Variants in TMED10 observed in about 807,000 individuals in gnomAD.
TMED10 encodes transmembrane emp24 domain-containing protein 10.
TMED10 carries 7 observed loss-of-function variants against 23.1 expected under a neutral mutation model. The ratio of observed to expected loss-of-function variants is 0.30; its 90% CI spans 0.17 to 0.57. The LOEUF (loss-of-function observed/expected upper bound fraction) is 0.57, where lower values mean the gene tolerates loss of function less well. Among genes scored for constraint, TMED10 ranks in the 20% least tolerant of loss-of-function variants. The probability of loss-of-function intolerance (pLI) is 0.91; values close to 1 mark genes in which losing one functional copy is unlikely to be tolerated. For missense variants in TMED10, 162 were observed against 274.8 expected, an observed-to-expected ratio of 0.59 and a Z score of 2.90; for synonymous variants, 113 against 106.9, an observed-to-expected ratio of 1.06 and a Z score of -0.35.
At chr14:75,157,848 G>A (rs1206984994) in intron 1 of TMED10, among the ~76,000 whole-genome samples, 1 of 152,026 alleles carries the variant, frequency 6.6e-6, no homozygotes, top group Non-Finnish European at 1.5e-5. Context: ...GCCGAGGCAG[G>A]AGAATTGCTT....
chr14:75,140,455 C>T (rs1429096846), intron 3 of TMED10, among the ~76,000 whole-genome samples: 1 of 151,904 alleles, frequency 6.6e-6, no homozygotes, highest in Non-Finnish European at 1.5e-5. Context: ...CGCCTGTAAT[C>T]TCAGCACTTT....
chr14:75,162,427 G>T (rs1255462126), intron 1 of TMED10, among the ~76,000 whole-genome samples: 1 of 150,180 alleles, frequency 6.7e-6, no homozygotes, highest in African/African-American at 2.5e-5. Flanking sequence ...AAACATCCAT[G>T]AATCTACACT....
chr14:75,164,784 T>C (rs776482905), intron 1 of TMED10, among the ~76,000 whole-genome samples: 7 of 147,818 alleles, frequency 4.7e-5, no homozygotes, highest in Middle Eastern at 3.2e-3. Context: ...AATTGTGCTA[T>C]GTTCACTAAA....
At chr14:75,138,280 C>T (rs1327416400) in intron 3 of TMED10, among the ~76,000 whole-genome samples, 5 of 152,168 alleles carry the variant, frequency 3.3e-5, no homozygotes, top group African/African-American at 1.2e-4. Context: ...TATTTAAGGT[C>T]CATAAAAATA....
intron 3 of TMED10, among the ~76,000 whole-genome samples, chr14:75,141,892 AATC>A (rs1895826670): frequency 6.6e-6 from 1 of 152,212 alleles, no homozygotes; most frequent in African/African-American, 2.4e-5. Flanking sequence ...TTTTAAAACA[AATC>A]ATGGTAAGTA....
chr14:75,176,294 A>C (rs1423115299), intron 1 of TMED10, 61 bp downstream of exon 1: 6 of 1,596,596 alleles, frequency 3.8e-6, no homozygotes, highest in Admixed American at 3.4e-5. Context: ...CCCGAACCCG[A>C]GCCTCCCCTC....
At chr14:75,151,498 C>A (rs1188634599) in intron 2 of TMED10, among the ~76,000 whole-genome samples, 4 of 152,216 alleles carry the variant, frequency 2.6e-5, no homozygotes, top group Admixed American at 6.5e-5. Flanking sequence ...GGATTACAGG[C>A]ATGAGCCACC....
chr14:75,149,131 G>C (rs879763716), intron 2 of TMED10, among the ~76,000 whole-genome samples: 2 of 152,078 alleles, frequency 1.3e-5, no homozygotes, highest in Middle Eastern at 3.2e-3. Flanking sequence ...TGTCCAGGCT[G>C]ATCTGGAACT....
chr14:75,137,345 G>T (rs916038291), intron 3 of TMED10, among the ~76,000 whole-genome samples: 3 of 149,966 alleles, frequency 2.0e-5, no homozygotes, highest in African/African-American at 7.3e-5. Flanking sequence ...CATACCAGTT[G>T]CTCTTAAAGT....
At chr14:75,165,813 G>A (rs193207009) in intron 1 of TMED10, among the ~76,000 whole-genome samples, 1 of 152,156 alleles carries the variant, frequency 6.6e-6, no homozygotes, top group Non-Finnish European at 1.5e-5. Context: ...TATTGCTTAA[G>A]CTAAAATATG....
intron 1 of TMED10, among the ~76,000 whole-genome samples, chr14:75,164,532 AATATATATAT>A (rs368412262): frequency 7.4e-4 from 40 of 54,396 alleles, no homozygotes; most frequent in African/African-American, 2.2e-3. Flanking sequence ...CACCTGGCCT[AATATATATAT>A]ATATATATAT....
At chr14:75,137,288 G>A (rs1895761676) in intron 3 of TMED10, among the ~76,000 whole-genome samples, 1 of 150,850 alleles carries the variant, frequency 6.6e-6, no homozygotes, top group East Asian at 2.0e-4. Context: ...GAGATTACAG[G>A]CGTGATCCAC....
intron 3 of TMED10, among the ~76,000 whole-genome samples, chr14:75,146,434 C>T (rs1252799574): frequency 6.6e-6 from 1 of 152,318 alleles, no homozygotes; most frequent in African/African-American, 2.4e-5. Flanking sequence ...CCTTCATTTA[C>T]TTAGTTTGCA....
chr14:75,152,124 T>C lies in TMED10; in HGVS notation c.245A>G (p.His82Arg). 1 of 1,613,748 alleles carries C rather than the reference T, an allele frequency of 6.2e-7. No individual in the cohort carries two copies. Among genetic ancestry groups the C allele is most frequent in the Non-Finnish European group, 8.5e-7 (1 of 1,179,836 alleles). ...SHLKITDSAG[H>R]ILYSKEDATK... Reference sequence around the variant, plus strand: ...TGCATCCTCTTTGGAGTAGAGAATATGGCCAGCAGAATCTGTGATCTAAAA... The same window carrying C: ...TGCATCCTCTTTGGAGTAGAGAATACGGCCAGCAGAATCTGTGATCTAAAA... The change falls in exon 2 of 5, where the codon CAT becomes CGT. Residue 82 changes from histidine (H) to arginine (R), a missense_variant. By Grantham distance (29) the His-to-Arg change is conservative. Around this residue, in one of 2 missense-constraint regions of TMED10, gnomAD observed 126 missense variants for 239.5 expected, o/e 0.53. Coordinates refer to ENST00000303575, the MANE Select transcript of TMED10 (RefSeq NM_006827.6).
At chr14:75,147,414 G>A (rs1389313906) in intron 3 of TMED10, 2 of 500,598 alleles carry the variant, frequency 4.0e-6, no homozygotes, top group South Asian at 2.6e-5. Flanking sequence ...GGCTGGTATC[G>A]AACTCCTGAC....
intron 2 of TMED10, among the ~76,000 whole-genome samples, chr14:75,151,155 C>T (rs574461725): frequency 1.3e-5 from 2 of 152,182 alleles, no homozygotes; most frequent in Non-Finnish European, 2.9e-5. Flanking sequence ...ATCCGCCCGC[C>T]TCGGCCTCCC....
rs1282369562 is a variant in TMED10, at chr14:75,133,782, T to C, written c.*1103A>G. Reference sequence around the variant, plus strand: ...TTAGTGGGTGAATGGTTAAGCAAACTGTGGTACATCCATACCATGGAATAC... The same window carrying C: ...TTAGTGGGTGAATGGTTAAGCAAACCGTGGTACATCCATACCATGGAATAC... On this transcript the variant is annotated 3_prime_UTR_variant, in exon 5 of 5. Coordinates refer to ENST00000303575, the MANE Select transcript of TMED10 (RefSeq NM_006827.6). The C allele has an allele frequency of 4.9e-6, 1 of 205,392 alleles. No individual in the cohort carries two copies. Among genetic ancestry groups the C allele is most frequent in the South Asian group, 6.3e-5 (1 of 15,808 alleles). 12.7% of individuals were successfully genotyped at this position (205,392 alleles called of 1,614,324 possible).
intron 2 of TMED10, among the ~76,000 whole-genome samples, chr14:75,150,110 A>T (rs150241413): frequency 6.6e-6 from 1 of 152,162 alleles, no homozygotes; most frequent in East Asian, 1.9e-4. Context: ...CACACACACA[A>T]AAAAAGGACT....
intron 1 of TMED10, among the ~76,000 whole-genome samples, chr14:75,165,219 C>T (rs1445201045): frequency 6.6e-6 from 1 of 151,952 alleles, no homozygotes; most frequent in Non-Finnish European, 1.5e-5. Context: ...ATATCAGAAA[C>T]ATGTTCTTTT....
Sources: gnomAD v4.1 joint callset for allele counts (sites outside exome capture counted in the v4.1 genomes callset) on GRCh38, gnomAD v4.1.1 for gene constraint, gnomAD v4.1.1 regional missense constraint, MANE v1.5 for transcripts, NCBI Gene and HGNC (gene_info 2026-07-23, HGNC 2026-07-21) for gene names.